Variants in TMEM131 observed in about 807,000 individuals in gnomAD.
The protein encoded by TMEM131 is transmembrane protein 131.
In TMEM131, 66 loss-of-function variants were observed where a neutral mutation model predicts 211.6. The ratio of observed to expected loss-of-function variants is 0.31; its 90% CI spans 0.26 to 0.38. The LOEUF (loss-of-function observed/expected upper bound fraction) is 0.38. Among genes scored for constraint, TMEM131 ranks in the 10% least tolerant of loss-of-function variants. The pLI is 1.00. For missense variants in TMEM131, 2,036 were observed against 2,299.3 expected (o/e 0.89, Z 2.34); for synonymous variants, 844 against 841.3 (o/e 1.00, Z -0.06).
At chr2:97,816,765 A>G (rs902730373) in intron 12 of TMEM131, among the ~76,000 whole-genome samples, 18 of 152,258 alleles carry the variant, frequency 1.2e-4, no homozygotes, top group Non-Finnish European at 7.3e-5. Flanking sequence ...CATAGCAAAT[A>G]AAGTGGTCAA....
chr2:97,973,643 C>A (rs1679403183), intron 1 of TMEM131, among the ~76,000 whole-genome samples: 1 of 152,146 alleles, frequency 6.6e-6, no homozygotes, highest in Non-Finnish European at 1.5e-5. Flanking sequence ...GGTAACTCCC[C>A]AACGCTGGGG....
intron 11 of TMEM131, among the ~76,000 whole-genome samples, chr2:97,820,053 G>C (rs1242910163): frequency 6.6e-6 from 1 of 152,206 alleles, no homozygotes; most frequent in African/African-American, 2.4e-5. Flanking sequence ...CTTTCCATTG[G>C]TGGGTTAGTC....
chr2:97,765,996 CT>C, intron 35 of TMEM131, 117 bp downstream of exon 35: 1 of 1,321,714 alleles, frequency 7.6e-7, no homozygotes, highest in Admixed American at 2.5e-5. Context: ...GGGCTCTTAG[CT>C]GGCAAAGCAC....
intron 1 of TMEM131, among the ~76,000 whole-genome samples, chr2:97,941,055 A>G (rs1328274145): frequency 4.6e-5 from 7 of 152,102 alleles, no homozygotes; most frequent in African/African-American, 9.7e-5. Context: ...GAGGCATCAC[A>G]CTACCTGACT....
chr2:97,978,120 A>T (rs970810304), intron 1 of TMEM131, among the ~76,000 whole-genome samples: 16 of 152,040 alleles, frequency 1.1e-4, no homozygotes, highest in Non-Finnish European at 1.5e-4. Flanking sequence ...ATAATAATAA[A>T]AAACAGCAAT....
intron 1 of TMEM131, among the ~76,000 whole-genome samples, chr2:97,945,395 T>C (rs1014885787): frequency 4.6e-5 from 7 of 152,142 alleles, no homozygotes; most frequent in Non-Finnish European, 1.0e-4. Flanking sequence ...TACAAGTCTA[T>C]GAGTATACTT....
Position 97,792,794 on chromosome 2 carries a change from T to G in TMEM131, c.3736A>C (p.Arg1246=). The G allele has an allele frequency of 1.9e-6, 3 of 1,614,044 alleles. No homozygotes were observed. The highest frequency in any genetic ancestry group is 2.5e-6 in the Non-Finnish European group (3 of 1,179,896). Residue 1246 remains arginine (R), a synonymous_variant, in exon 31 of 41, where the codon AGG becomes CGG. Transcript: ENST00000186436. ...RAKNSSSTSS[R]TSAQAASSQS... The stretch of plus-strand genomic sequence containing the variant: ...GAAGAAGCTGCTTGAGCAGAAGTCC[T>G]ACTAGAGGTACTTGAACTGTTTTTG...
chr2:97,792,931 C>G lies in TMEM131; in HGVS notation c.3599G>C (p.Gly1200Ala). The change falls in exon 31 of 41, where the codon GGC (glycine) becomes GCC (alanine). Residue 1200 changes from glycine to alanine, a missense_variant. Gly to Ala is a moderately conservative substitution (Grantham distance 60). Around this residue, in one of 3 missense-constraint regions of TMEM131, gnomAD observed 1,623 missense variants for 1,805.9 expected, o/e 0.90. Transcript: ENST00000186436. ...GGCACTGGGTCGGGATGATGAACCG[C>G]CTGCTCCACAGAACCCCCTACTGTG... ...PGHSRGFCGA[G>A]GSSSRPSAGS... is the part of the protein sequence containing the mutation. 8 of 1,610,510 alleles carry G rather than the reference C, an allele frequency of 5.0e-6. No individual in the cohort carries two copies. The highest frequency in any genetic ancestry group is 6.8e-6 in the Non-Finnish European group (8 of 1,178,936).
chr2:97,894,341 T>C (rs1225451261), intron 3 of TMEM131, among the ~76,000 whole-genome samples: 2 of 152,316 alleles, frequency 1.3e-5, no homozygotes. Context: ...TCTTTTTGCT[T>C]AGAGTTGTCT....
intron 2 of TMEM131, among the ~76,000 whole-genome samples, chr2:97,912,127 A>C (rs1346984666): frequency 2.6e-5 from 4 of 152,222 alleles, no homozygotes; most frequent in Non-Finnish European, 4.4e-5. Flanking sequence ...TAAACACTGA[A>C]TAAGGATAAA....
At chr2:97,970,686 T>C (rs1399148173) in intron 1 of TMEM131, among the ~76,000 whole-genome samples, 1 of 152,134 alleles carries the variant, frequency 6.6e-6, no homozygotes, top group Non-Finnish European at 1.5e-5. Context: ...GGTCCCAGGA[T>C]TGTGGCCAGA....
intron 33 of TMEM131, among the ~76,000 whole-genome samples, chr2:97,769,123 CA>C (rs1178070255): frequency 6.7e-6 from 1 of 150,032 alleles, no homozygotes; most frequent in Non-Finnish European, 1.5e-5. Context: ...GTTGGGACTA[CA>C]GGTGTGTGCC....
intron 31 of TMEM131, among the ~76,000 whole-genome samples, chr2:97,789,642 C>T (rs974910092): frequency 2.3e-4 from 35 of 152,204 alleles, no homozygotes; most frequent in African/African-American, 8.4e-4. Flanking sequence ...AAAGCCAAAG[C>T]CAGAAACGAG....
intron 3 of TMEM131, among the ~76,000 whole-genome samples, chr2:97,897,853 T>C (rs1159502989): frequency 3.3e-5 from 5 of 152,130 alleles, no homozygotes; most frequent in African/African-American, 4.8e-5. Context: ...GCAGTTTTCT[T>C]TGTGGAAAGG....
intron 2 of TMEM131, among the ~76,000 whole-genome samples, chr2:97,921,393 A>C (rs1263228649): frequency 6.6e-6 from 1 of 152,246 alleles, no homozygotes; most frequent in East Asian, 1.9e-4. Context: ...CAAAACAGTA[A>C]AATTCTAGAA....
intron 1 of TMEM131, among the ~76,000 whole-genome samples, chr2:97,953,634 G>T (rs112843594): frequency 6.6e-6 from 1 of 152,100 alleles, no homozygotes; most frequent in African/African-American, 2.4e-5. Context: ...AGACAGAAAA[G>T]AACTGAACAA....
chr2:97,793,650 A>G (rs1460980844), intron 29 of TMEM131, 97 bp from the exon 30 acceptor site: 6 of 1,225,084 alleles, frequency 4.9e-6, no homozygotes, highest in Non-Finnish European at 4.5e-6. Context: ...GTAAAGTACA[A>G]TATGATGTAA....
intron 25 of TMEM131, among the ~76,000 whole-genome samples, chr2:97,799,723 C>T (rs1411354570): frequency 6.6e-6 from 1 of 152,124 alleles, no homozygotes; most frequent in South Asian, 2.1e-4. Context: ...TTTGTAAGGT[C>T]TGCATGTCTC....
chr2:97,815,660 C>T (rs114831866), intron 12 of TMEM131, among the ~76,000 whole-genome samples: 21 of 152,242 alleles, frequency 1.4e-4, no homozygotes, highest in Non-Finnish European at 2.5e-4. Context: ...ATTAATTCTT[C>T]GTTGCGGAGG....
Sources: allele counts gnomAD v4.1 joint callset (sites outside exome capture counted in the v4.1 genomes callset), GRCh38; gene constraint gnomAD v4.1.1; regional missense constraint gnomAD v4.1.1; transcripts MANE v1.5; gene names NCBI Gene and HGNC (gene_info 2026-07-23, HGNC 2026-07-21).